Variants in OCA2 observed in about 807,000 individuals in gnomAD.
OCA2 encodes OCA2 melanosomal transmembrane protein.
In OCA2, 77 loss-of-function variants were observed where a neutral mutation model predicts 100.2. The observed-to-expected ratio is 0.77, with a 90% confidence interval of 0.64 to 0.93. OCA2 has a LOEUF of 0.93. OCA2 is among the 40% of genes least tolerant of loss of function. OCA2 has a pLI of 0.00. For synonymous variants in OCA2, 432 were observed against 439.2 expected, an observed-to-expected ratio of 0.98 and a Z score of 0.21; for missense variants, 1,062 against 1,089.1, an observed-to-expected ratio of 0.98 and a Z score of 0.35.
intron 19 of OCA2, among the ~76,000 whole-genome samples, chr15:27,874,996 A>G: frequency 6.6e-6 from 1 of 152,236 alleles, no homozygotes; most frequent in East Asian, 1.9e-4. Context: ...AATATGAAGC[A>G]TGAAAATCAA....
At chr15:28,042,956 C>G (rs1470609) in intron 2 of OCA2, among the ~76,000 whole-genome samples, 9,756 of 152,078 alleles carry the variant, frequency 0.064, 1,040 homozygotes, top group African/African-American at 0.22. Context: ...TTTGTTCGAA[C>G]AACTAGTTTC....
intron 9 of OCA2, among the ~76,000 whole-genome samples, chr15:28,001,591 T>C (rs961646069): frequency 1.3e-5 from 2 of 152,212 alleles, no homozygotes; most frequent in African/African-American, 2.4e-5. Context: ...TATTTTTCTT[T>C]CCTTGTGTGT....
At chr15:27,871,090 A>G (rs981800104) in intron 21 of OCA2, 64 bp downstream of exon 21, 2 of 1,193,586 alleles carry the variant, frequency 1.7e-6, no homozygotes, top group Non-Finnish European at 2.5e-6. Flanking sequence ...TTAGGAAGGG[A>G]GGGTGAGCCC....
chr15:27,734,705 C>A, the OCA2 span, among the ~76,000 whole-genome samples: 1 of 152,228 alleles, frequency 6.6e-6, no homozygotes, highest in Non-Finnish European at 1.5e-5. Context: ...ACAGCCATTG[C>A]AGCCTTAGGC....
Position 27,759,115 on chromosome 15 carries a change from C to T in OCA2, c.2433-3643G>A, listed in dbSNP as rs537627409. On this transcript the variant is annotated intron_variant, in intron 23 of 23. Transcript: ENST00000354638. ...CTATAGAGAAAAACTACAAGTTTCT[C>T]CTCAGAAACTATGGAGGCCAGAAAA... Among the ~76,000 whole-genome samples, 14 of 152,222 alleles carry T rather than the reference C, an allele frequency of 9.2e-5. No homozygotes were observed. The East Asian group carries it at 2.5e-3, about 27-fold the overall frequency.
intron 23 of OCA2, among the ~76,000 whole-genome samples, chr15:27,777,013 C>G (rs556551493): frequency 6.6e-6 from 1 of 151,892 alleles, no homozygotes; most frequent in African/African-American, 2.4e-5. Flanking sequence ...CACTTCCCCC[C>G]ACACCAGCCC....
At chr15:27,971,913 C>A (rs868574620) in intron 14 of OCA2, among the ~76,000 whole-genome samples, 17 of 152,150 alleles carry the variant, frequency 1.1e-4, no homozygotes, top group Admixed American at 5.9e-4. Context: ...TTTTAGTGCA[C>A]CCATCACCAG....
At chr15:28,081,445 TTATCTTTTGGAGC>T (rs2141893856) in intron 2 of OCA2, among the ~76,000 whole-genome samples, 190 bp downstream of exon 2, 1 of 152,334 alleles carries the variant, frequency 6.6e-6, no homozygotes, top group African/African-American at 2.4e-5. Flanking sequence ...TCTATTTTTA[TTATCTTTTGGAGC>T]TAAATTAAGT....
In OCA2 at chr15:27,833,725, G is replaced by C. The variant is rs988150426; in HGVS notation, c.2432+11234C>G. 2.0e-5 allele frequency among the ~76,000 whole-genome samples: 3 copies of C among 152,170 alleles called. No individual in the cohort carries two copies. In the South Asian group the frequency reaches 6.2e-4, roughly 32 times the overall value. On this transcript the variant is annotated intron_variant, in intron 23 of 23. Transcript: ENST00000354638. The stretch of plus-strand genomic sequence containing the variant: ...AATTTGATCCGTGGAAAGGCAGAGA[G>C]AAATTTCCCCTTAGACGACTCTATA...
intron 19 of OCA2, among the ~76,000 whole-genome samples, chr15:27,913,903 G>GAAAGAAAGAA (rs1567098836): frequency 1.3e-4 from 5 of 39,972 alleles, no homozygotes; most frequent in African/African-American, 5.6e-4. Flanking sequence ...AAGCAAGCAA[G>GAAAGAAAGAA]CAAGCAAGCA....
chr15:28,027,668 G>C (rs1200318689), intron 4 of OCA2, among the ~76,000 whole-genome samples: 3 of 152,228 alleles, frequency 2.0e-5, no homozygotes, highest in African/African-American at 7.2e-5. Context: ...GTCCTCTCCG[G>C]CGCTGCATGA....
intron 1 of OCA2, among the ~76,000 whole-genome samples, chr15:28,082,892 G>A (rs1183450596): frequency 6.6e-6 from 1 of 152,114 alleles, no homozygotes; most frequent in Middle Eastern, 3.2e-3. Context: ...AAGTAATGCT[G>A]TCCTACTTTG....
chr15:27,757,359 T>C (rs1212083250), intron 23 of OCA2, among the ~76,000 whole-genome samples: 9 of 152,236 alleles, frequency 5.9e-5, no homozygotes, highest in Admixed American at 6.5e-5. Flanking sequence ...AAGGGCCTCA[T>C]AGACTAGACG....
At chr15:28,051,312 G>A (rs1039749883) in intron 2 of OCA2, among the ~76,000 whole-genome samples, 1 of 152,064 alleles carries the variant, frequency 6.6e-6, no homozygotes, top group African/African-American at 2.4e-5. Context: ...TTTGTTTTTT[G>A]AGACAGTTTC....
chr15:27,995,264 T>C (rs1451586564), intron 9 of OCA2, among the ~76,000 whole-genome samples: 1 of 152,194 alleles, frequency 6.6e-6, no homozygotes, highest in African/African-American at 2.4e-5. Flanking sequence ...CAAGTGGACC[T>C]AACAGACATA....
chr15:27,749,012 A>T, the OCA2 span, among the ~76,000 whole-genome samples: 1 of 152,156 alleles, frequency 6.6e-6, no homozygotes, highest in Non-Finnish European at 1.5e-5. Flanking sequence ...GTATCACTGG[A>T]GTTCTAGAAG....
chr15:28,085,674 T>C (rs574453842), intron 1 of OCA2, among the ~76,000 whole-genome samples: 20 of 150,166 alleles, frequency 1.3e-4, no homozygotes, highest in Admixed American at 3.3e-4. Flanking sequence ...GACTGCACTG[T>C]TGCATTCCTC....
At chr15:27,868,883 G>C (rs1413461357) in intron 21 of OCA2, among the ~76,000 whole-genome samples, 2 of 152,186 alleles carry the variant, frequency 1.3e-5, no homozygotes, top group African/African-American at 4.8e-5. Flanking sequence ...CTTCAATACA[G>C]CTTTTTAAAA....
At chr15:27,950,676 T>C in intron 18 of OCA2, 1 of 321,416 alleles carries the variant, frequency 3.1e-6, no homozygotes, top group Non-Finnish European at 6.3e-6. Context: ...TGTGTGAGAA[T>C]CTAGAAATGC....
Sources: allele counts gnomAD v4.1 joint callset (sites outside exome capture counted in the v4.1 genomes callset), GRCh38; gene constraint gnomAD v4.1.1; transcripts MANE v1.5; gene names NCBI Gene and HGNC (gene_info 2026-07-23, HGNC 2026-07-21).